Variants in TBL1X observed in about 807,000 individuals in gnomAD.
The protein encoded by TBL1X is transducin beta like 1 X-linked.
A neutral mutation model predicts 50.7 loss-of-function variants in TBL1X; 10 were observed. The ratio of observed to expected loss-of-function variants is 0.20; its 90% CI spans 0.12 to 0.33. TBL1X has a LOEUF of 0.33. Among genes scored for constraint, TBL1X ranks in the 10% least tolerant of loss-of-function variants. The probability of loss-of-function intolerance (pLI) is 1.00; values close to 1 mark genes in which losing one functional copy is unlikely to be tolerated. For missense variants in TBL1X, 340 were observed against 504.4 expected (o/e 0.67, Z 3.12); for synonymous variants, 190 against 214.7 (o/e 0.88, Z 1.01).
chrX:9,472,352 T>G lies in TBL1X; in HGVS notation c.-201+6905T>G, dbSNP rs763703042. On this transcript the variant is annotated intron_variant, in intron 1 of 17. Transcript: ENST00000645353. ...ATAGCTCACTGCAGCCTTGGCTTTC[T>G]GGGCTCAAGTGATCCTTCTGCCTCA... Among the ~76,000 whole-genome samples the G allele has an allele frequency of 2.8e-4, 31 of 111,023 alleles. No homozygotes were observed. In the South Asian group the frequency reaches 4.3e-3, roughly 15 times the overall value.
intron 2 of TBL1X, among the ~76,000 whole-genome samples, chrX:9,631,608 C>A (rs146250929): frequency 0.012 from 1,405 of 112,483 alleles, 28 homozygotes; most frequent in African/African-American, 0.042. Flanking sequence ...AGCCTTACAA[C>A]AACAATGTGC....
At chrX:9,491,334 A>T (rs1464729040) in intron 1 of TBL1X, among the ~76,000 whole-genome samples, 750 of 23,301 alleles carry the variant, frequency 0.032, 36 homozygotes, top group African/African-American at 0.13. Flanking sequence ...ATATATATAT[A>T]TATATTTTTT....
intron 2 of TBL1X, among the ~76,000 whole-genome samples, chrX:9,617,611 A>G (rs1382498946): frequency 8.9e-6 from 1 of 111,948 alleles, no homozygotes; most frequent in Admixed American, 9.5e-5. Context: ...GAGTGGGGAC[A>G]TGAGGGTTAT....
rs2083109896 is a variant in TBL1X, at chrX:9,693,197, A to AG, written c.940_941insG (p.Ile314SerfsTer7). 8.3e-7 allele frequency: 1 copy of AG among 1,209,676 alleles called. No individual in the cohort carries two copies. The highest frequency in any genetic ancestry group is 1.1e-6 in the Non-Finnish European group (1 of 895,205). Reference sequence around the variant, plus strand: ...GGGTTCATATGACGGTTTTGCAAGAATATGGACGGAAGATGGTGAGTTCTG... The same window carrying AG: ...GGGTTCATATGACGGTTTTGCAAGAAGTATGGACGGAAGATGGTGAGTTCTG... On this transcript the variant is annotated frameshift_variant, in exon 10 of 18. Transcript: ENST00000645353. LOFTEE classifies it high-confidence loss of function.
intron 2 of TBL1X, among the ~76,000 whole-genome samples, chrX:9,553,884 A>G (rs1361998104): frequency 1.8e-5 from 2 of 112,167 alleles, no homozygotes; most frequent in Non-Finnish European, 3.8e-5. Context: ...CTTCTTAAAG[A>G]TGCTGGTACC....
upstream of TBL1X, chrX:9,463,367 G>C: frequency 9.0e-6 from 1 of 111,687 alleles, no homozygotes; most frequent in East Asian, 2.8e-4. Flanking sequence ...CAGGCTCAAG[G>C]GAAGGCCCCA....
intron 2 of TBL1X, among the ~76,000 whole-genome samples, chrX:9,581,119 A>G (rs1186241954): frequency 8.9e-6 from 1 of 111,949 alleles, no homozygotes; most frequent in Non-Finnish European, 1.9e-5. Flanking sequence ...TAAGGGCTGT[A>G]GAGAAATGGT....
intron 2 of TBL1X, among the ~76,000 whole-genome samples, chrX:9,588,336 G>C (rs761515108): frequency 9.0e-6 from 1 of 111,566 alleles, no homozygotes; most frequent in East Asian, 2.8e-4. Flanking sequence ...CACCACATTT[G>C]ATCTATGTGT....
intron 5 of TBL1X, among the ~76,000 whole-genome samples, chrX:9,680,459 A>G (rs748082786): frequency 9.0e-6 from 1 of 111,110 alleles, no homozygotes; most frequent in Admixed American, 9.6e-5. Flanking sequence ...TTTTATCCCT[A>G]TATCACAGAG....
At chrX:9,549,758 C>T (rs776164304) in intron 2 of TBL1X, among the ~76,000 whole-genome samples, 26 of 112,030 alleles carry the variant, frequency 2.3e-4, no homozygotes, top group Non-Finnish European at 4.5e-4. Context: ...GTTGTTCTCG[C>T]TGTACAGAAT....
intron 2 of TBL1X, among the ~76,000 whole-genome samples, chrX:9,582,738 A>T (rs184410992): frequency 4.3e-4 from 48 of 112,598 alleles, no homozygotes; most frequent in African/African-American, 1.5e-3. Flanking sequence ...ATTGGGACAG[A>T]TGCCACATAT....
At chrX:9,666,695 T>A (rs2082932828) in intron 5 of TBL1X, among the ~76,000 whole-genome samples, 2 of 111,447 alleles carry the variant, frequency 1.8e-5, no homozygotes, top group Non-Finnish European at 3.8e-5. Context: ...ACACGTGGAA[T>A]TAGCCAGGTG....
At chrX:9,711,906 G>C in intron 16 of TBL1X, 130 bp downstream of exon 16, 1 of 716,910 alleles carries the variant, frequency 1.4e-6, no homozygotes, top group Admixed American at 4.3e-5. Context: ...GGCAGACCCA[G>C]TGGATGCTGT....
At chrX:9,545,963 A>G (rs2082240129) in intron 2 of TBL1X, among the ~76,000 whole-genome samples, 1 of 111,576 alleles carries the variant, frequency 9.0e-6, no homozygotes, top group African/African-American at 3.3e-5. Flanking sequence ...GTGATGTTGA[A>G]CAGTTTTGGC....
At chrX:9,589,889 G>A (rs898957669) in intron 2 of TBL1X, among the ~76,000 whole-genome samples, 1 of 111,752 alleles carries the variant, frequency 8.9e-6, no homozygotes, top group Non-Finnish European at 1.9e-5. Context: ...CACCTAGGTG[G>A]TCAAGGTCAT....
chrX:9,470,191 A>G (rs1042117760), intron 1 of TBL1X, among the ~76,000 whole-genome samples: 3 of 112,777 alleles, frequency 2.7e-5, no homozygotes, highest in African/African-American at 9.7e-5. Flanking sequence ...TAATCACATC[A>G]TGGAGAATGG....
At chrX:9,546,189 C>T (rs1196053600) in intron 2 of TBL1X, among the ~76,000 whole-genome samples, 1 of 111,780 alleles carries the variant, frequency 8.9e-6, no homozygotes, top group East Asian at 2.8e-4. Flanking sequence ...TTTTAGCATC[C>T]ACTGATTACC....
chrX:9,564,249 G>A (rs1001444128), intron 2 of TBL1X, among the ~76,000 whole-genome samples: 4 of 111,499 alleles, frequency 3.6e-5, no homozygotes, highest in African/African-American at 9.8e-5. Context: ...GTGAAACCTC[G>A]TCTCTACTGA....
At chrX:9,653,464 C>T in intron 3 of TBL1X, 81 bp from the exon 4 acceptor site, 1 of 628,264 alleles carries the variant, frequency 1.6e-6, no homozygotes. Context: ...GAAGTCTTAG[C>T]CAGACGGATG....
Sources: gnomAD v4.1 joint callset for allele counts (sites outside exome capture counted in the v4.1 genomes callset) on GRCh38, gnomAD v4.1.1 for gene constraint, MANE v1.5 for transcripts, NCBI Gene and HGNC (gene_info 2026-07-23, HGNC 2026-07-21) for gene names.